MKRN2: variants seen among roughly 807,000 people sequenced by gnomAD.
The protein encoded by MKRN2 is E3 ubiquitin-protein ligase makorin-2.
A neutral mutation model predicts 45.4 loss-of-function variants in MKRN2; 32 were observed. That is an observed-to-expected ratio of 0.70 (90% CI 0.53 to 0.95). The LOEUF is 0.95. Among genes scored for constraint, MKRN2 ranks in the 40% least tolerant of loss-of-function variants. MKRN2 has a pLI of 0.00. For synonymous variants in MKRN2, 206 were observed against 192.4 expected (o/e 1.07, Z -0.59); for missense variants, 526 against 536.7 (o/e 0.98, Z 0.20).
rs752543784 is a variant in MKRN2, at chr3:12,583,609, A to AAATTT, written c.*1363_*1367dup. 2 of 231,172 alleles carry AAATTT rather than the reference A, an allele frequency of 8.7e-6. No homozygotes were observed. Among genetic ancestry groups the AAATTT allele is most frequent in the African/African-American group, 2.2e-5 (1 of 45,230 alleles). The allele number at this position is 231,172 out of a possible 1,614,324, so 14.3% of individuals were successfully genotyped here. A position where few individuals can be genotyped will look rare whatever the true frequency, so the allele number is the denominator to read the frequency against. Reference sequence around the variant, plus strand: ...GAGGTAACAGCCAGCCATTACACCTAAATTTAATTTATTTTATTAAAATAA... The same window carrying AAATTT: ...GAGGTAACAGCCAGCCATTACACCTAAATTTAATTTAATTTATTTTATTAAAATAA... On this transcript the variant is annotated 3_prime_UTR_variant, in exon 8 of 8. Coordinates refer to ENST00000170447, the MANE Select transcript of MKRN2 (RefSeq NM_014160.5).
In MKRN2 at chr3:12,582,165, G is replaced by A. The variant is rs5746260; in HGVS notation, c.1163G>A (p.Arg388Gln). ...GATTTCATCGAGAACCGAGAAAGCC[G>A]GCATGTCCCCAACAATGAAGATGTC... is the stretch of plus-strand genomic sequence containing the variant. Reference protein sequence around the residue: ...LWDFIENRESRHVPNNEDVDM... With the variant: ...LWDFIENRESQHVPNNEDVDM... The change falls in exon 8 of 8, where the codon CGG (arginine) becomes CAG (glutamine). Residue 388 changes from arginine (R) to glutamine (Q), a missense_variant. Transcript: ENST00000170447. 2.3e-4 allele frequency: 373 copies of A among 1,614,072 alleles called. 2 individuals carry two copies. In the African/African-American group the frequency reaches 3.1e-3, roughly 13 times the overall value.
chr3:12,565,900 CT>C (rs1575517769), intron 1 of MKRN2, among the ~76,000 whole-genome samples: 2 of 152,004 alleles, frequency 1.3e-5, no homozygotes, highest in Non-Finnish European at 2.9e-5. Context: ...GAGACAGGGT[CT>C]TGCTTTGTCA....
intron 6 of MKRN2, among the ~76,000 whole-genome samples, chr3:12,577,896 C>G (rs772839316): frequency 6.6e-6 from 1 of 152,032 alleles, no homozygotes; most frequent in Non-Finnish European, 1.5e-5. Context: ...TGGCTGGTCT[C>G]AAACTCCTGA....
chr3:12,574,675 C>T (rs1396636057), intron 4 of MKRN2, 117 bp from the exon 5 acceptor site: 17 of 944,202 alleles, frequency 1.8e-5, no homozygotes, highest in African/African-American at 3.3e-5. Flanking sequence ...TCACAGCAGT[C>T]GCTGTCAGTG....
At chr3:12,581,995 G>A (rs1487628455) in intron 7 of MKRN2, 43 bp downstream of exon 7, 2 of 1,610,058 alleles carry the variant, frequency 1.2e-6, no homozygotes, top group South Asian at 2.2e-5. Flanking sequence ...CTTAGCAGCT[G>A]TGGGCATTTC....
chr3:12,581,748 GC>G, intron 6 of MKRN2, 59 bp from the exon 7 acceptor site: 1 of 1,582,982 alleles, frequency 6.3e-7, no homozygotes, highest in East Asian at 2.2e-5. Flanking sequence ...GCAGGCAGTG[GC>G]CCAGTTTGGA....
chr3:12,558,257 G>T (rs549579664), intron 1 of MKRN2, among the ~76,000 whole-genome samples: 9 of 152,350 alleles, frequency 5.9e-5, no homozygotes, highest in African/African-American at 1.9e-4. Context: ...GGTGGCTTAT[G>T]TTAAGCTGTT....
chr3:12,571,024 GCA>G (rs981289541), intron 3 of MKRN2, among the ~76,000 whole-genome samples: 3 of 152,150 alleles, frequency 2.0e-5, no homozygotes, highest in Non-Finnish European at 4.4e-5. Flanking sequence ...GAAAAGAATA[GCA>G]CACTAGGGTT....
chr3:12,569,834 C>G (rs1466697511), intron 2 of MKRN2, among the ~76,000 whole-genome samples: 1 of 152,202 alleles, frequency 6.6e-6, no homozygotes, highest in Admixed American at 6.5e-5. Flanking sequence ...GTCTGTCCCA[C>G]TCAAGTCCCA....
intron 5 of MKRN2, among the ~76,000 whole-genome samples, chr3:12,576,229 G>A (rs1019549770): frequency 8.8e-5 from 12 of 136,662 alleles, no homozygotes; most frequent in Non-Finnish European, 1.4e-4. Context: ...GTGTGTGTGT[G>A]TATTTTTTTT....
At chr3:12,561,322 A>G (rs1288905406) in intron 1 of MKRN2, among the ~76,000 whole-genome samples, 1 of 152,224 alleles carries the variant, frequency 6.6e-6, no homozygotes, top group Non-Finnish European at 1.5e-5. Flanking sequence ...GATAGGACGT[A>G]TGGAAGGCGG....
In MKRN2 at chr3:12,558,510, C is replaced by T. The variant is rs113712613; in HGVS notation, c.26+1334C>T. Among the ~76,000 whole-genome samples, 1,200 of 152,294 alleles carry T rather than the reference C, an allele frequency of 7.9e-3. 16 individuals carry two copies. Among genetic ancestry groups the T allele is most frequent in the African/African-American group, 0.028 (1,144 of 41,540 alleles). ...TCTACCATTTATTCCCGTACCTCAT[C>T]TAAGAAGTGTCCACAAAACAGTACA... On this transcript the variant is annotated intron_variant, in intron 1 of 7. Transcript: ENST00000170447.
Position 12,570,095 on chromosome 3 carries a change from T to A in MKRN2, c.180T>A (p.Ala60=), listed in dbSNP as rs1249292041. The A allele has an allele frequency of 1.9e-6, 3 of 1,612,828 alleles. No individual in the cohort carries two copies. Among genetic ancestry groups the A allele is most frequent in the African/African-American group, 2.7e-5 (2 of 74,992 alleles). The part of the protein sequence containing the change: ...RCRYDHTRPS[A]AAGGAVGTMA... ...GATATGACCACACGAGGCCCTCTGC[T>A]GCAGCTGGAGGTGCTGTGGGCACCA... is the stretch of plus-strand genomic sequence containing the variant. Residue 60 remains alanine, a synonymous_variant, in exon 3 of 8, where the codon GCT becomes GCA. Coordinates refer to ENST00000170447, the MANE Select transcript of MKRN2 (RefSeq NM_014160.5).
intron 5 of MKRN2, among the ~76,000 whole-genome samples, chr3:12,575,706 C>T (rs1397617241): frequency 2.0e-5 from 3 of 152,186 alleles, no homozygotes; most frequent in African/African-American, 7.2e-5. Flanking sequence ...ATTTAACTCA[C>T]CACTCATCCG....
chr3:12,557,232 G>C, intron 1 of MKRN2, 56 bp downstream of exon 1: 1 of 1,516,842 alleles, frequency 6.6e-7, no homozygotes, highest in Non-Finnish European at 8.8e-7. Context: ...CAGGGGGGCC[G>C]GTGCGCGCCA....
At chr3:12,571,735 A>G (rs1387913972) in intron 3 of MKRN2, among the ~76,000 whole-genome samples, 1 of 152,090 alleles carries the variant, frequency 6.6e-6, no homozygotes, top group Non-Finnish European at 1.5e-5. Flanking sequence ...TGTTTGTTTT[A>G]GTGTTAACTG....
intron 6 of MKRN2, chr3:12,577,292 T>A (rs1427622272): frequency 6.6e-6 from 1 of 152,118 alleles, no homozygotes; most frequent in Non-Finnish European, 1.5e-5. Flanking sequence ...TGCCTAGGAG[T>A]GGAGTGGTTT....
intron 3 of MKRN2, 95 bp from the exon 4 acceptor site, chr3:12,571,974 A>T: frequency 8.2e-7 from 1 of 1,222,844 alleles, no homozygotes; most frequent in Non-Finnish European, 1.1e-6. Context: ...TGGAATTCTT[A>T]GGTCAGAGTA....
intron 1 of MKRN2, among the ~76,000 whole-genome samples, chr3:12,566,471 TC>T (rs1399570574): frequency 6.8e-6 from 1 of 146,796 alleles, no homozygotes; most frequent in African/African-American, 2.6e-5. Flanking sequence ...TCTCTCTCTC[TC>T]AGATGGTTTC....
Sources: allele counts gnomAD v4.1 joint callset (sites outside exome capture counted in the v4.1 genomes callset), GRCh38; gene constraint gnomAD v4.1.1; transcripts MANE v1.5; gene names NCBI Gene and HGNC (gene_info 2026-07-23, HGNC 2026-07-21).